ARHGAP5: variants seen among roughly 807,000 people sequenced by gnomAD.
ARHGAP5 encodes the protein rho GTPase-activating protein 5.
In ARHGAP5, 23 loss-of-function variants were observed where a neutral mutation model predicts 116.6. The ratio of observed to expected loss-of-function variants is 0.20; its 90% CI spans 0.14 to 0.28. The LOEUF is 0.28. ARHGAP5 is among the 10% of genes least tolerant of loss of function. ARHGAP5 has a pLI of 1.00. For missense variants in ARHGAP5, 1,405 were observed against 1,774.8 expected (o/e 0.79, Z 3.74); for synonymous variants, 574 against 602.0 (o/e 0.95, Z 0.68).
intron 3 of ARHGAP5, among the ~76,000 whole-genome samples, chr14:32,130,192 C>T (rs956154578): frequency 6.6e-6 from 1 of 150,686 alleles, no homozygotes; most frequent in East Asian, 1.9e-4. Context: ...TTGTTGAATC[C>T]CTTGCATTCA....
intron 2 of ARHGAP5, among the ~76,000 whole-genome samples, chr14:32,100,222 A>ATG: frequency 6.6e-6 from 1 of 152,308 alleles, no homozygotes; most frequent in South Asian, 2.1e-4. Context: ...TATTTATGAG[A>ATG]TGTAATCTTG....
chr14:32,118,817 T>G (rs1041342167), intron 3 of ARHGAP5, among the ~76,000 whole-genome samples: 4 of 152,194 alleles, frequency 2.6e-5, no homozygotes, highest in Admixed American at 6.5e-5. Flanking sequence ...GAACATACTT[T>G]CCTTTAGTGA....
At chr14:32,111,642 A>G (rs1488899249) in intron 2 of ARHGAP5, among the ~76,000 whole-genome samples, 2 of 152,114 alleles carry the variant, frequency 1.3e-5, no homozygotes, top group African/African-American at 4.8e-5. Context: ...TGAGGGCAAA[A>G]CCCAGTGTTT....
At chr14:32,148,182 C>T (rs190192030) in intron 4 of ARHGAP5, among the ~76,000 whole-genome samples, 134 of 151,358 alleles carry the variant, frequency 8.9e-4, no homozygotes, top group Non-Finnish European at 1.5e-3. Context: ...ATCTATCTAT[C>T]TATCTATCTA....
At chr14:32,144,573 T>C (rs1024546258) in intron 3 of ARHGAP5, among the ~76,000 whole-genome samples, 7 of 152,122 alleles carry the variant, frequency 4.6e-5, no homozygotes, top group African/African-American at 1.7e-4. Context: ...AACCTCTGCC[T>C]CCTGGGTTCA....
At position 32,094,181 on chromosome 14, in the gene ARHGAP5, C is replaced by T. The variant is rs773927154; in HGVS notation, c.3512C>T (p.Thr1171Ile). The change falls in exon 2 of 7, where the codon ACA (threonine) becomes ATA (isoleucine). Residue 1171 changes from threonine (T) to isoleucine (I), a missense_variant. By Grantham distance (89) the Thr-to-Ile change is moderately conservative. Transcript: ENST00000345122. The stretch of plus-strand genomic sequence containing the variant: ...AAAGCCAAGTCATACTATAGAAGAA[C>T]ACATTCAGATGCCAGTGATGATGAG... ...FSKAKSYYRR[T>I]HSDASDDEAF... The T allele has an allele frequency of 6.8e-6, 11 of 1,612,694 alleles. No individual in the cohort carries two copies. Among genetic ancestry groups the T allele is most frequent in the Middle Eastern group, 1.7e-4 (1 of 5,816 alleles).
At chr14:32,139,251 C>G (rs1235449033) in intron 3 of ARHGAP5, among the ~76,000 whole-genome samples, 1 of 151,978 alleles carries the variant, frequency 6.6e-6, no homozygotes, top group African/African-American at 2.4e-5. Context: ...GGAAGTGTTT[C>G]TCTTTGTTTT....
chr14:32,104,050 A>G (rs1480349054), intron 2 of ARHGAP5, among the ~76,000 whole-genome samples: 2 of 152,084 alleles, frequency 1.3e-5, no homozygotes, highest in Non-Finnish European at 2.9e-5. Flanking sequence ...CCCTAGAAAA[A>G]TGCACATGCA....
chr14:32,144,526 G>A (rs925817219), intron 3 of ARHGAP5, among the ~76,000 whole-genome samples: 10 of 151,680 alleles, frequency 6.6e-5, no homozygotes, highest in South Asian at 4.2e-4. Context: ...CTCTGTCGCC[G>A]AGGCTGGAGT....
chr14:32,115,464 C>G (rs1879509244), intron 2 of ARHGAP5, among the ~76,000 whole-genome samples: 1 of 151,922 alleles, frequency 6.6e-6, no homozygotes, highest in African/African-American at 2.4e-5. Context: ...GAGATGGAGA[C>G]TATCCTGGCC....
chr14:32,108,848 G>A (rs972869353), intron 2 of ARHGAP5, among the ~76,000 whole-genome samples: 1 of 151,992 alleles, frequency 6.6e-6, no homozygotes, highest in Admixed American at 6.6e-5. Context: ...CTGTTTATAA[G>A]ACTTAAAATT....
chr14:32,106,325 T>C (rs1879017682), intron 2 of ARHGAP5, among the ~76,000 whole-genome samples: 1 of 152,150 alleles, frequency 6.6e-6, no homozygotes, highest in Non-Finnish European at 1.5e-5. Context: ...TTCACCATCT[T>C]GGCCAGGCTG....
intron 1 of ARHGAP5, among the ~76,000 whole-genome samples, chr14:32,087,683 A>C (rs1247532345): frequency 6.6e-6 from 1 of 151,990 alleles, no homozygotes; most frequent in Non-Finnish European, 1.5e-5. Flanking sequence ...TGATTTCAAA[A>C]TACCAGCAGG....
intron 5 of ARHGAP5, among the ~76,000 whole-genome samples, chr14:32,151,146 T>G (rs1594399498): frequency 6.6e-6 from 1 of 152,228 alleles, no homozygotes; most frequent in Non-Finnish European, 1.5e-5. Context: ...ATGGCTTAAT[T>G]GATAGCTTAG....
Position 32,146,275 on chromosome 14 carries a change from A to C in ARHGAP5, c.3878A>C (p.Glu1293Ala). Residue 1293 changes from glutamate (E) to alanine (A), a missense_variant, in exon 4 of 7, where the codon GAA becomes GCA. Coordinates refer to ENST00000345122, the MANE Select transcript of ARHGAP5 (RefSeq NM_001030055.2). ...EFIEDTGLCT[E>A]GLYRVSGNKT... ...TTTATTCTCTTAGGGTTATGTACCG[A>C]AGGACTCTACCGTGTCAGCGGGAAT... 6.2e-7 allele frequency: 1 copy of C among 1,611,908 alleles called. No homozygotes were observed. The highest frequency in any genetic ancestry group is 2.2e-5 in the East Asian group (1 of 44,864).
chr14:32,093,232 T>G lies in ARHGAP5; in HGVS notation c.2563T>G (p.Tyr855Asp), dbSNP rs1878354782. The G allele has an allele frequency of 6.2e-7, 1 of 1,613,810 alleles. No individual in the cohort carries two copies. The highest frequency in any genetic ancestry group is 8.5e-7 in the Non-Finnish European group (1 of 1,179,924). Residue 855 changes from tyrosine (Y) to aspartate (D), a missense_variant, in exon 2 of 7, where the codon TAC becomes GAC. This residue lies in a region of ARHGAP5 where 944 missense variants were observed against 1,095.3 expected (regional missense o/e 0.86). Transcript: ENST00000345122. ...DELVHGYILV[Y>D]SAKRKASMGM... ...ACTAGTTCATGGGTATATATTAGTT[T>G]ACTCTGCAAAACGGAAAGCTTCGAT...
intron 2 of ARHGAP5, among the ~76,000 whole-genome samples, chr14:32,116,731 C>G (rs778544961): frequency 1.3e-5 from 2 of 152,178 alleles, no homozygotes; most frequent in Non-Finnish European, 2.9e-5. Flanking sequence ...AGAGCTCTTA[C>G]GTTCTTACAA....
chr14:32,145,553 A>G (rs1467533258), intron 3 of ARHGAP5, among the ~76,000 whole-genome samples: 2 of 152,044 alleles, frequency 1.3e-5, no homozygotes, highest in South Asian at 2.1e-4. Flanking sequence ...GGCCTCTCCA[A>G]CGCCCAGTCA....
chr14:32,118,826 G>A (rs1360562271), intron 3 of ARHGAP5, among the ~76,000 whole-genome samples: 2 of 152,124 alleles, frequency 1.3e-5, no homozygotes, highest in African/African-American at 2.4e-5. Flanking sequence ...TTCCTTTAGT[G>A]ATTGAAAAGC....
Sources: gnomAD v4.1 joint callset for allele counts (sites outside exome capture counted in the v4.1 genomes callset) on GRCh38, gnomAD v4.1.1 for gene constraint, gnomAD v4.1.1 regional missense constraint, MANE v1.5 for transcripts, NCBI Gene and HGNC (gene_info 2026-07-23, HGNC 2026-07-21) for gene names.